NAV2: variants seen among roughly 807,000 people sequenced by gnomAD.
NAV2 encodes helicase, APC down-regulated 1.
NAV2 carries 54 observed loss-of-function variants against 223.2 expected under a neutral mutation model. The ratio of observed to expected loss-of-function variants is 0.24; its 90% CI spans 0.19 to 0.30. NAV2 has a LOEUF of 0.30. Ranked by LOEUF, NAV2 falls within the 10% of genes least tolerant of loss-of-function variation. The pLI is 1.00. For missense variants in NAV2, 2,806 were observed against 3,147.5 expected (o/e 0.89, Z 2.60); for synonymous variants, 1,279 against 1,239.3 (o/e 1.03, Z -0.67).
At chr11:19,997,212 A>T (rs2034031) in intron 11 of NAV2, among the ~76,000 whole-genome samples, 2 of 151,986 alleles carry the variant, frequency 1.3e-5, no homozygotes, top group Non-Finnish European at 2.9e-5. Flanking sequence ...AAAGTTTGAC[A>T]CTAGAAGGTG....
At chr11:19,876,323 G>A (rs1407167172) in intron 4 of NAV2, among the ~76,000 whole-genome samples, 1 of 152,126 alleles carries the variant, frequency 6.6e-6, no homozygotes, top group South Asian at 2.1e-4. Flanking sequence ...ACCATGCCCG[G>A]CCTCATTTTC....
chr11:19,835,132 G>C (rs2060161798), intron 2 of NAV2, among the ~76,000 whole-genome samples: 1 of 152,168 alleles, frequency 6.6e-6, no homozygotes, highest in African/African-American at 2.4e-5. Context: ...CATTGCTCAG[G>C]ATGATGCTTC....
chr11:19,517,423 G>A (rs1417142278), intron 1 of NAV2, among the ~76,000 whole-genome samples: 1 of 152,166 alleles, frequency 6.6e-6, no homozygotes, highest in East Asian at 1.9e-4. Flanking sequence ...ACACCTCCTT[G>A]CAGAACTTTT....
At chr11:19,772,710 C>T (rs776824424) in intron 1 of NAV2, among the ~76,000 whole-genome samples, 28 of 152,222 alleles carry the variant, frequency 1.8e-4, no homozygotes, top group Admixed American at 3.3e-4. Flanking sequence ...TGACATCCCC[C>T]CATCAGCCTT....
intron 1 of NAV2, among the ~76,000 whole-genome samples, chr11:19,360,066 C>T (rs1236109972): frequency 6.6e-6 from 1 of 152,218 alleles, no homozygotes; most frequent in Non-Finnish European, 1.5e-5. Flanking sequence ...TCTTGTTGTG[C>T]CTAGAAACTG....
intron 4 of NAV2, among the ~76,000 whole-genome samples, 192 bp downstream of exon 4, chr11:19,869,189 C>T (rs576582512): frequency 6.6e-6 from 1 of 152,308 alleles, no homozygotes; most frequent in African/African-American, 2.4e-5. Context: ...GTGGATTCAA[C>T]CATACCAGCC....
chr11:19,406,731 C>T (rs185511384), intron 1 of NAV2, among the ~76,000 whole-genome samples: 1 of 152,176 alleles, frequency 6.6e-6, no homozygotes, highest in East Asian at 1.9e-4. Flanking sequence ...CTTCCCTGCC[C>T]CATCTCCCTA....
At chr11:19,350,692 C>G, upstream of NAV2, 1 of 503,274 alleles carries the variant, frequency 2.0e-6, no homozygotes, top group South Asian at 2.2e-5. Context: ...TGAAGCGAGT[C>G]TCAGACCTAA....
chr11:20,054,842 AAGAC>A lies in NAV2; in HGVS notation c.4642+604_4642+607del, dbSNP rs1272599683. 2.6e-5 allele frequency among the ~76,000 whole-genome samples: 4 copies of A among 152,374 alleles called. No individual in the cohort carries two copies. In the East Asian group the frequency reaches 7.7e-4, roughly 29 times the overall value. ...CATGTCAATGGAATTCTTTTTCAGGAAGACAAACACATCAATGCACACCTATATA... is the reference window on the plus strand; with the variant it reads ...CATGTCAATGGAATTCTTTTTCAGGAAAACACATCAATGCACACCTATATA... On this transcript the variant is annotated intron_variant, in intron 18 of 37. Coordinates refer to ENST00000349880, the MANE Select transcript of NAV2 (RefSeq NM_145117.5).
At chr11:19,676,566 C>T (rs1319044903) in intron 1 of NAV2, among the ~76,000 whole-genome samples, 5 of 152,176 alleles carry the variant, frequency 3.3e-5, no homozygotes, top group African/African-American at 9.7e-5. Flanking sequence ...GCTTGGTTTC[C>T]GGCCTTCCCT....
intron 1 of NAV2, among the ~76,000 whole-genome samples, chr11:19,578,249 G>A (rs899421722): frequency 5.9e-5 from 9 of 152,190 alleles, no homozygotes; most frequent in East Asian, 1.9e-4. Context: ...ATAAATTAAC[G>A]CTGCGCGTGC....
At chr11:20,073,317 T>C (rs540451023) in intron 22 of NAV2, among the ~76,000 whole-genome samples, 82 of 152,330 alleles carry the variant, frequency 5.4e-4, no homozygotes, top group African/African-American at 1.9e-3. Flanking sequence ...CTTTTTGATG[T>C]GCTGCTGGAT....
intron 11 of NAV2, among the ~76,000 whole-genome samples, chr11:20,006,717 T>C (rs1344294236): frequency 6.6e-6 from 1 of 150,980 alleles, no homozygotes; most frequent in Non-Finnish European, 1.5e-5. Flanking sequence ...CCAGGCATAG[T>C]GGCACATGCC....
At chr11:20,091,066 G>A in intron 27 of NAV2, 48 bp downstream of exon 27, 4 of 1,590,630 alleles carry the variant, frequency 2.5e-6, no homozygotes, top group Non-Finnish European at 3.4e-6. Flanking sequence ...CTATGAAGGA[G>A]CTCCCAGAGG....
intron 1 of NAV2, among the ~76,000 whole-genome samples, chr11:19,820,167 G>A (rs1184363982): frequency 6.6e-6 from 1 of 152,222 alleles, no homozygotes; most frequent in Non-Finnish European, 1.5e-5. Flanking sequence ...TAGTGGCCCA[G>A]GTTCTCACTA....
At chr11:19,524,073 G>A (rs907622099) in intron 1 of NAV2, among the ~76,000 whole-genome samples, 1 of 152,156 alleles carries the variant, frequency 6.6e-6, no homozygotes, top group African/African-American at 2.4e-5. Context: ...TTGTCAACCT[G>A]TATTTGTCCT....
chr11:19,487,919 T>C (rs1046258592), intron 1 of NAV2, among the ~76,000 whole-genome samples: 2 of 152,172 alleles, frequency 1.3e-5, no homozygotes, highest in African/African-American at 4.8e-5. Flanking sequence ...ACACAAACTG[T>C]TGTTGCTCCA....
intron 1 of NAV2, among the ~76,000 whole-genome samples, chr11:19,549,148 T>G (rs2044606805): frequency 6.6e-6 from 1 of 152,196 alleles, no homozygotes; most frequent in African/African-American, 2.4e-5. Flanking sequence ...TGTCTTGGAA[T>G]GTGGCTGAGG....
chr11:20,008,222 C>T (rs1389794124), intron 11 of NAV2, among the ~76,000 whole-genome samples: 1 of 152,104 alleles, frequency 6.6e-6, no homozygotes, highest in Non-Finnish European at 1.5e-5. Context: ...CAAAAATTAG[C>T]CAAGTGTGGT....
Sources: allele counts gnomAD v4.1 joint callset (sites outside exome capture counted in the v4.1 genomes callset), GRCh38; gene constraint gnomAD v4.1.1; transcripts MANE v1.5; gene names NCBI Gene and HGNC (gene_info 2026-07-23, HGNC 2026-07-21).